ZBTB7C: variants seen among roughly 807,000 people sequenced by gnomAD.
ZBTB7C encodes zinc finger and BTB domain-containing protein 7C.
A neutral mutation model predicts 25.7 loss-of-function variants in ZBTB7C; 8 were observed. The observed-to-expected ratio is 0.31, with a 90% CI of 0.18 to 0.56. The LOEUF is 0.56. Among genes scored for constraint, ZBTB7C ranks in the 20% least tolerant of loss-of-function variants. The pLI is 0.91. For missense variants in ZBTB7C, 824 were observed against 855.2 expected (o/e 0.96, Z 0.46); for synonymous variants, 394 against 369.0 (o/e 1.07, Z -0.78).
At chr18:48,406,802 T>G (rs1384786931) in intron 1 of ZBTB7C, among the ~76,000 whole-genome samples, 2 of 152,248 alleles carry the variant, frequency 1.3e-5, no homozygotes, top group Non-Finnish European at 2.9e-5. Context: ...TGCATCCAGC[T>G]TATTTTCATA....
At chr18:48,262,420 A>G (rs1005528148) in intron 2 of ZBTB7C, among the ~76,000 whole-genome samples, 2 of 152,248 alleles carry the variant, frequency 1.3e-5, no homozygotes, top group Middle Eastern at 3.4e-3. Flanking sequence ...GAAGTCTGCT[A>G]CTTCCCTATC....
intron 2 of ZBTB7C, among the ~76,000 whole-genome samples, chr18:48,212,590 A>C (rs1044845959): frequency 2.6e-5 from 4 of 152,016 alleles, no homozygotes; most frequent in African/African-American, 9.7e-5. Context: ...GAATGGGGGC[A>C]GGGGGTATAA....
intron 3 of ZBTB7C, among the ~76,000 whole-genome samples, chr18:48,167,576 G>GTGTT (rs1341757351): frequency 2.6e-5 from 4 of 151,160 alleles, no homozygotes; most frequent in South Asian, 2.1e-4. Context: ...GTGTGTGTGT[G>GTGTT]TGTGTGTGTG....
chr18:48,408,165 C>A (rs1872993508), intron 1 of ZBTB7C, among the ~76,000 whole-genome samples: 1 of 152,214 alleles, frequency 6.6e-6, no homozygotes, highest in African/African-American at 2.4e-5. Context: ...CTCGGCCTTG[C>A]GCCCGCGCCG....
chr18:48,213,363 T>C (rs1422492186), intron 2 of ZBTB7C, among the ~76,000 whole-genome samples: 4 of 152,224 alleles, frequency 2.6e-5, no homozygotes, highest in Non-Finnish European at 5.9e-5. Context: ...GAACCTTTAG[T>C]GATGGCCCCA....
At chr18:48,408,041 C>A (rs948359985) in intron 1 of ZBTB7C, among the ~76,000 whole-genome samples, 15 of 152,214 alleles carry the variant, frequency 9.9e-5, no homozygotes, top group South Asian at 2.1e-4. Flanking sequence ...TCTTCCCTTC[C>A]CACTCCCACT....
intron 2 of ZBTB7C, among the ~76,000 whole-genome samples, chr18:48,273,729 A>T (rs2044557817): frequency 6.6e-6 from 1 of 152,178 alleles, no homozygotes; most frequent in African/African-American, 2.4e-5. Context: ...TAATAGTTAC[A>T]TAATTTCTCT....
intron 3 of ZBTB7C, among the ~76,000 whole-genome samples, chr18:48,066,551 C>A (rs564935790): frequency 3.9e-5 from 6 of 152,100 alleles, no homozygotes; most frequent in African/African-American, 1.4e-4. Flanking sequence ...TAGATAACAA[C>A]GGGACCTGGA....
chr18:48,211,960 T>C (rs1376127147), intron 2 of ZBTB7C, among the ~76,000 whole-genome samples: 1 of 152,152 alleles, frequency 6.6e-6, no homozygotes, highest in African/African-American at 2.4e-5. Context: ...AGCGGGTGAA[T>C]GGATAAATAA....
chr18:48,141,140 C>A (rs796588558), intron 3 of ZBTB7C, among the ~76,000 whole-genome samples: 1 of 51,926 alleles, frequency 1.9e-5, no homozygotes, highest in Non-Finnish European at 4.1e-5. Context: ...GCATCCCCCC[C>A]GCACCACCCC....
At chr18:48,301,699 T>G (rs1230466329) in intron 2 of ZBTB7C, among the ~76,000 whole-genome samples, 1 of 152,138 alleles carries the variant, frequency 6.6e-6, no homozygotes, top group Non-Finnish European at 1.5e-5. Context: ...ACTGATGAGA[T>G]GCACAGCTGG....
intron 3 of ZBTB7C, among the ~76,000 whole-genome samples, chr18:48,139,031 T>C (rs2040259783): frequency 6.6e-6 from 1 of 152,090 alleles, no homozygotes; most frequent in Non-Finnish European, 1.5e-5. Flanking sequence ...TCCAGCACCC[T>C]GTGGGTGCAT....
At chr18:48,333,661 G>A (rs2046391256) in intron 2 of ZBTB7C, among the ~76,000 whole-genome samples, 1 of 152,290 alleles carries the variant, frequency 6.6e-6, no homozygotes, top group East Asian at 1.9e-4. Context: ...CAGTGACACT[G>A]GTTTGAAGGA....
intron 2 of ZBTB7C, among the ~76,000 whole-genome samples, chr18:48,196,086 G>A (rs1463857953): frequency 6.6e-6 from 1 of 152,154 alleles, no homozygotes; most frequent in Non-Finnish European, 1.5e-5. Flanking sequence ...TATCAGTCAG[G>A]GGGAATGGAG....
chr18:48,041,533 TG>T, intron 3 of ZBTB7C: 1 of 985,320 alleles, frequency 1.0e-6, no homozygotes, highest in Non-Finnish European at 1.2e-6. Context: ...GACCTCTCAG[TG>T]CTTCTGCTGA....
At chr18:48,296,030 G>T (rs766572281) in intron 2 of ZBTB7C, among the ~76,000 whole-genome samples, 40 of 152,214 alleles carry the variant, frequency 2.6e-4, no homozygotes, top group Non-Finnish European at 5.6e-4. Flanking sequence ...CTCACAGTCA[G>T]TGTCCAACAG....
chr18:48,364,413 C>A (rs191174883), intron 1 of ZBTB7C, among the ~76,000 whole-genome samples: 11 of 152,100 alleles, frequency 7.2e-5, no homozygotes, highest in Admixed American at 7.2e-4. Context: ...TTGGGCCTGA[C>A]CTTTGAGGGT....
chr18:48,391,513 A>G (rs2047902961), intron 1 of ZBTB7C, among the ~76,000 whole-genome samples: 4 of 152,202 alleles, frequency 2.6e-5, no homozygotes, highest in Admixed American at 1.3e-4. Context: ...TTTTCTACAG[A>G]ATATCAAACC....
intron 2 of ZBTB7C, among the ~76,000 whole-genome samples, chr18:48,277,642 G>A (rs202134075): frequency 5.3e-5 from 8 of 152,346 alleles, no homozygotes; most frequent in South Asian, 2.1e-4. Context: ...GGGCAACCCC[G>A]GCTGGTGAGG....
Sources: allele counts gnomAD v4.1 joint callset (sites outside exome capture counted in the v4.1 genomes callset), GRCh38; gene constraint gnomAD v4.1.1; transcripts MANE v1.5; gene names NCBI Gene and HGNC (gene_info 2026-07-23, HGNC 2026-07-21).